Variants in AMBN observed in about 807,000 individuals in gnomAD.
AMBN encodes enamel matrix protein.
Under a neutral mutation model 48.0 loss-of-function variants are expected in AMBN, and 54 were observed. That is an observed-to-expected ratio of 1.12 (90% CI 0.90 to 1.41). AMBN has a LOEUF of 1.41. AMBN is among the 40% of genes most tolerant of loss of function. The probability of loss-of-function intolerance (pLI) is 0.00; values close to 1 mark genes in which losing one functional copy is unlikely to be tolerated. For synonymous variants in AMBN, 186 were observed against 190.0 expected, an observed-to-expected ratio of 0.98 and a Z score of 0.17; for missense variants, 571 against 547.3, an observed-to-expected ratio of 1.04 and a Z score of -0.43.
rs753435072 is a variant in AMBN, at chr4:70,601,581, T to C, written c.458T>C (p.Leu153Pro). Residue 153 changes from leucine to proline, a missense_variant, in exon 6 of 13, where the codon CTG (leucine) becomes CCG (proline). Physicochemically the swap from Leu to Pro is moderately conservative, Grantham distance 98 (BLOSUM62 -3). Coordinates refer to ENST00000322937, the MANE Select transcript of AMBN (RefSeq NM_016519.6). ...CAGCCTCCAATTCACCTGGGACATCTGCCCTTGCAGGAAGGAGAACTGCCT... is the reference window on the plus strand; with the variant it reads ...CAGCCTCCAATTCACCTGGGACATCCGCCCTTGCAGGAAGGAGAACTGCCT... ...ALQPPIHLGH[L>P]PLQEGELPLV... 6.2e-7 allele frequency: 1 copy of C among 1,614,134 alleles called. No homozygotes were observed. The highest frequency in any genetic ancestry group is 8.5e-7 in the Non-Finnish European group (1 of 1,179,994).
At position 70,596,509 on chromosome 4, in the gene AMBN, T is replaced by C. The variant is rs143285488; in HGVS notation, c.85-490T>C. On this transcript the variant is annotated intron_variant, in intron 2 of 12. Coordinates refer to ENST00000322937, the MANE Select transcript of AMBN (RefSeq NM_016519.6). ...AGGGAATTTGCTGAAGCCCTTTGAA[T>C]GGGAATCCAGTTAGATTTTTCATAT... 6.2e-4 allele frequency among the ~76,000 whole-genome samples: 94 copies of C among 152,286 alleles called. No individual in the cohort carries two copies. In the East Asian group the frequency reaches 0.016, roughly 27 times the overall value.
At chr4:70,603,173 CT>C (rs1272197924) in intron 9 of AMBN, 86 bp from the exon 10 acceptor site, 1 of 1,402,046 alleles carries the variant, frequency 7.1e-7, no homozygotes, top group Non-Finnish European at 9.9e-7. Flanking sequence ...ACTAATCCAT[CT>C]GAAAATGTGT....
intron 2 of AMBN, among the ~76,000 whole-genome samples, chr4:70,594,462 A>G (rs2109799266): frequency 6.6e-6 from 1 of 152,368 alleles, no homozygotes; most frequent in South Asian, 2.1e-4. Flanking sequence ...TAAATAAGAC[A>G]TGATCTCTTG....
chr4:70,599,590 C>T lies in AMBN; in HGVS notation c.238C>T (p.Leu80Phe). The change falls in exon 5 of 13, where the codon CTC (leucine) becomes TTC (phenylalanine). Residue 80 changes from leucine to phenylalanine, a missense_variant. Transcript: ENST00000322937. The stretch of plus-strand genomic sequence containing the variant: ...TAATTCTTTGTGGATGCACGGTCTC[C>T]TCCCACCACATTCCTCTCTTCCATG... Reference protein sequence around the residue: ...SFNSLWMHGLLPPHSSLPWMR... With the variant: ...SFNSLWMHGLFPPHSSLPWMR... The T allele has an allele frequency of 6.2e-7, 1 of 1,613,662 alleles. No homozygotes were observed.
At chr4:70,606,043 C>A in intron 12 of AMBN, 142 bp from the exon 13 acceptor site, 1 of 920,808 alleles carries the variant, frequency 1.1e-6, no homozygotes, top group Non-Finnish European at 1.6e-6. Context: ...GAGAAATGAG[C>A]TTACACAAAG....
In AMBN at chr4:70,606,817, C is replaced by T; in HGVS notation, c.*87C>T. The T allele has an allele frequency of 7.1e-7, 1 of 1,415,392 alleles. No individual in the cohort carries two copies. Among genetic ancestry groups the T allele is most frequent in the Non-Finnish European group, 9.5e-7 (1 of 1,054,666 alleles). The allele number at this position is 1,415,392 out of a possible 1,614,324, so 87.7% of individuals were successfully genotyped here. On this transcript the variant is annotated 3_prime_UTR_variant, in exon 13 of 13. Transcript: ENST00000322937. ...TACCTTTTTGCTAAAACACTTATTA[C>T]CCTTCTGCAGCAAAGGCATTAAAAG...
In AMBN at chr4:70,606,491, T is replaced by C; in HGVS notation, c.1105T>C (p.Ser369Pro). 1.2e-6 allele frequency: 2 copies of C among 1,613,974 alleles called. No homozygotes were observed. Among genetic ancestry groups the C allele is most frequent in the Non-Finnish European group, 1.7e-6 (2 of 1,179,964 alleles). The change falls in exon 13 of 13, where the codon TCA (serine) becomes CCA (proline). Residue 369 changes from serine to proline, a missense_variant. Transcript: ENST00000322937. ...DDIPGLPRSP[S>P]GKMKGLPSVT... ...CATTCCCGGCCTGCCAAGGAGCCCTTCAGGGAAGATGAAGGGACTCCCCAG... is the reference window on the plus strand; with the variant it reads ...CATTCCCGGCCTGCCAAGGAGCCCTCCAGGGAAGATGAAGGGACTCCCCAG...
At chr4:70,603,982 C>T in intron 12 of AMBN, 61 bp downstream of exon 12, 1 of 1,548,914 alleles carries the variant, frequency 6.5e-7, no homozygotes, top group Non-Finnish European at 8.9e-7. Context: ...TCACTTATGA[C>T]TGGCTGCAAG....
chr4:70,592,716 A>ATT (rs1272411562), intron 1 of AMBN, among the ~76,000 whole-genome samples: 14 of 152,156 alleles, frequency 9.2e-5, no homozygotes, highest in African/African-American at 3.4e-4. Context: ...TTAAAAGATA[A>ATT]TTCATTTTAG....
rs1413428171 is a variant in AMBN at position 70,606,759 on chromosome 4, A to G, written c.*29A>G. The G allele has an allele frequency of 1.9e-6, 3 of 1,579,066 alleles. No individual in the cohort carries two copies. Among genetic ancestry groups the G allele is most frequent in the East Asian group, 2.2e-5 (1 of 44,532 alleles). On this transcript the variant is annotated 3_prime_UTR_variant, in exon 13 of 13. Coordinates refer to ENST00000322937, the MANE Select transcript of AMBN (RefSeq NM_016519.6). Reference sequence around the variant, plus strand: ...CTCTAAGATATTAGCTACTTTCTGTATGCACAAGCTTCCCAGCTTTGTCCC... The same window carrying G: ...CTCTAAGATATTAGCTACTTTCTGTGTGCACAAGCTTCCCAGCTTTGTCCC...
intron 2 of AMBN, among the ~76,000 whole-genome samples, chr4:70,595,187 A>G (rs867708157): frequency 3.0e-4 from 35 of 115,578 alleles, no homozygotes; most frequent in Middle Eastern, 9.7e-3. Flanking sequence ...CTTTCCCTCT[A>G]TTCTTTTTTT....
rs953479833 is a variant in AMBN, at chr4:70,599,803, C to A, written c.294+157C>A. Reference sequence around the variant, plus strand: ...AATCGAAGCCTATAACTGCTTTTAGCGCTTAAGAAATATTTTTAAATTTAA... The same window carrying A: ...AATCGAAGCCTATAACTGCTTTTAGAGCTTAAGAAATATTTTTAAATTTAA... On this transcript the variant is annotated intron_variant, in intron 5 of 12. Transcript: ENST00000322937. 2.6e-5 allele frequency among the ~76,000 whole-genome samples: 4 copies of A among 152,188 alleles called. No individual in the cohort carries two copies. The South Asian group carries it at 6.2e-4, about 24-fold the overall frequency.
intron 2 of AMBN, among the ~76,000 whole-genome samples, chr4:70,594,548 G>T (rs946124606): frequency 6.6e-6 from 1 of 152,126 alleles, no homozygotes; most frequent in Non-Finnish European, 1.5e-5. Flanking sequence ...TTAGCTACTT[G>T]GTCTTCTTAA....
Position 70,603,426 on chromosome 4 carries a change from G to A in AMBN, c.719G>A (p.Gly240Glu). The stretch of plus-strand genomic sequence containing the variant: ...TTGTATTTTATTTAGCTTTATCCAG[G>A]AATGTTGTACGTGCCTTTTGGAGCA... ...PQNKQSPLYP[G>E]MLYVPFGANQ... Residue 240 changes from glycine (G) to glutamate (E), a missense_variant, in exon 11 of 13, where the codon GGA becomes GAA. Transcript: ENST00000322937. 2 of 1,613,196 alleles carry A rather than the reference G, an allele frequency of 1.2e-6. No individual in the cohort carries two copies. The highest frequency in any genetic ancestry group is 8.5e-7 in the Non-Finnish European group (1 of 1,179,856).
chr4:70,602,002 A>G, intron 6 of AMBN: 2 of 464,450 alleles, frequency 4.3e-6, no homozygotes, highest in Admixed American at 2.5e-5. Flanking sequence ...AAACTGAAAA[A>G]AGTGATTGAT....
chr4:70,604,712 G>T (rs973371758), intron 12 of AMBN, among the ~76,000 whole-genome samples: 1 of 150,544 alleles, frequency 6.6e-6, no homozygotes, highest in Non-Finnish European at 1.5e-5. Context: ...TTCGTTTTTG[G>T]CTGGGCGCAG....
rs763427554 is a variant in AMBN, at chr4:70,603,912, A to G, written c.789A>G (p.Glu263=). 2.5e-6 allele frequency: 4 copies of G among 1,613,892 alleles called. No homozygotes were observed. In the Admixed American group the frequency reaches 6.7e-5, roughly 27 times the overall value. ...APARLGIMSS[E]EVAGGREDPM... ...CCAGACTTGGCATCATGAGTTCAGA[A>G]GAAGTGGCAGTGAGTAATGTCTTCT... Residue 263 remains glutamate (E), a synonymous_variant, in exon 12 of 13, where the codon GAA becomes GAG. Transcript: ENST00000322937.
At chr4:70,603,161 A>G in intron 9 of AMBN, 99 bp from the exon 10 acceptor site, 3 of 1,360,530 alleles carry the variant, frequency 2.2e-6, no homozygotes, top group East Asian at 2.4e-5. Flanking sequence ...CTTATTTTCT[A>G]TACTAATCCA....
intron 4 of AMBN, among the ~76,000 whole-genome samples, chr4:70,599,139 A>AT (rs1737457956): frequency 6.6e-6 from 1 of 151,824 alleles, no homozygotes; most frequent in South Asian, 2.1e-4. Flanking sequence ...CTATGTGTTG[A>AT]TTTTTTAGAA....
Sources: allele counts gnomAD v4.1 joint callset (sites outside exome capture counted in the v4.1 genomes callset), GRCh38; gene constraint gnomAD v4.1.1; transcripts MANE v1.5; gene names NCBI Gene and HGNC (gene_info 2026-07-23, HGNC 2026-07-21).